INPP4B: variants seen among roughly 807,000 people sequenced by gnomAD.
INPP4B encodes inositol polyphosphate 4-phosphatase type II.
A neutral mutation model predicts 122.5 loss-of-function variants in INPP4B; 55 were observed. That is an observed-to-expected ratio of 0.45 (90% CI 0.36 to 0.56). INPP4B has a LOEUF of 0.56. Ranked by LOEUF, INPP4B falls within the 20% of genes least tolerant of loss-of-function variation. The pLI, the probability that INPP4B is intolerant of heterozygous loss-of-function variation, is 0.00. For synonymous variants in INPP4B, 403 were observed against 388.7 expected, an observed-to-expected ratio of 1.04 and a Z score of -0.43; for missense variants, 1,000 against 1,097.7, an observed-to-expected ratio of 0.91 and a Z score of 1.26.
At chr4:142,792,123 T>G (rs1273310321) in intron 1 of INPP4B, among the ~76,000 whole-genome samples, 2 of 152,052 alleles carry the variant, frequency 1.3e-5, no homozygotes, top group African/African-American at 4.8e-5. Flanking sequence ...GGTGGTCCTG[T>G]GCCTGTAGTC....
intron 25 of INPP4B, among the ~76,000 whole-genome samples, chr4:142,031,385 T>A (rs767246729): frequency 5.9e-5 from 9 of 152,154 alleles, no homozygotes; most frequent in Non-Finnish European, 1.2e-4. Context: ...ACAAGTCCTA[T>A]ACAGAAATTT....
chr4:142,091,318 C>T lies in INPP4B; in HGVS notation c.2375-5062G>A, dbSNP rs558615656. ...TTCTACTGCTGCTTTGACGTGTAGT[C>T]TTAGGCAAATTGCTTAACCCTCTGT... is the stretch of plus-strand genomic sequence containing the variant. On this transcript the variant is annotated intron_variant, in intron 23 of 25. Transcript: ENST00000262992. Among the ~76,000 whole-genome samples the T allele has an allele frequency of 1.2e-4, 19 of 152,240 alleles. No individual in the cohort carries two copies. In the East Asian group the frequency reaches 3.7e-3, roughly 29 times the overall value.
intron 7 of INPP4B, among the ~76,000 whole-genome samples, chr4:142,334,629 T>C (rs1466426447): frequency 6.6e-6 from 1 of 152,226 alleles, no homozygotes; most frequent in Admixed American, 6.5e-5. Flanking sequence ...CTCATGTCTT[T>C]TTGATAATAG....
intron 2 of INPP4B, among the ~76,000 whole-genome samples, chr4:142,572,133 T>C (rs1257367023): frequency 1.3e-5 from 2 of 152,138 alleles, no homozygotes; most frequent in Non-Finnish European, 2.9e-5. Context: ...TCTTTGAAGA[T>C]TGCTTGTCAC....
intron 7 of INPP4B, among the ~76,000 whole-genome samples, chr4:142,347,800 A>G (rs1381800274): frequency 6.6e-6 from 1 of 152,006 alleles, no homozygotes; most frequent in African/African-American, 2.4e-5. Context: ...CATCTATAGC[A>G]GCAGAGGTGG....
intron 5 of INPP4B, among the ~76,000 whole-genome samples, chr4:142,411,845 T>C (rs1292451958): frequency 6.6e-6 from 1 of 152,142 alleles, no homozygotes; most frequent in Non-Finnish European, 1.5e-5. Context: ...TGAGCTGAGA[T>C]TGCACCACTG....
Position 142,208,463 on chromosome 4 carries a change from T to A in INPP4B, c.1034A>T (p.His345Leu). 6.2e-7 allele frequency: 1 copy of A among 1,601,322 alleles called. No individual in the cohort carries two copies. Among genetic ancestry groups the A allele is most frequent in the Non-Finnish European group, 8.5e-7 (1 of 1,173,152 alleles). ...GCTGTGTACCTGCATTCTTTGCAGA[T>A]GTAGATTTATTGGAACAAATTCTAA... ...KTLEFVPINLHLQRMQVHSPH... is the reference protein window; with the variant it reads ...KTLEFVPINLLLQRMQVHSPH... The change falls in exon 14 of 26, where the codon CAT becomes CTT. Residue 345 changes from histidine (H) to leucine (L), a missense_variant. By Grantham distance (99) the His-to-Leu change is moderately conservative (BLOSUM62 -3). Coordinates refer to ENST00000262992, the MANE Select transcript of INPP4B (RefSeq NM_001101669.3).
rs1443404213 is a variant in INPP4B, at chr4:142,474,824, C to T, written c.-190-12098G>A. 2.6e-5 allele frequency among the ~76,000 whole-genome samples: 4 copies of T among 151,266 alleles called. No homozygotes were observed. In the East Asian group the frequency reaches 7.9e-4, roughly 30 times the overall value. On this transcript the variant is annotated intron_variant, in intron 2 of 25. Coordinates refer to ENST00000262992, the MANE Select transcript of INPP4B (RefSeq NM_001101669.3). Reference sequence around the variant, plus strand: ...CTACCTCTCTTAGCTAGGCAAGCCACACCTGCTAGAGCTTCCAGCCCAGTG... The same window carrying T: ...CTACCTCTCTTAGCTAGGCAAGCCATACCTGCTAGAGCTTCCAGCCCAGTG...
At chr4:142,666,652 T>A (rs1560940120) in intron 2 of INPP4B, among the ~76,000 whole-genome samples, 1 of 152,120 alleles carries the variant, frequency 6.6e-6, no homozygotes, top group East Asian at 1.9e-4. Flanking sequence ...TGTGTGTGTG[T>A]GCACATGTGT....
chr4:142,111,046 T>C (rs984385324), intron 22 of INPP4B, among the ~76,000 whole-genome samples: 4 of 152,078 alleles, frequency 2.6e-5, no homozygotes, highest in African/African-American at 9.7e-5. Flanking sequence ...ATCTCAAACA[T>C]TGAATTTGCT....
intron 2 of INPP4B, among the ~76,000 whole-genome samples, chr4:142,569,544 T>C (rs1732368460): frequency 6.6e-6 from 1 of 152,140 alleles, no homozygotes; most frequent in Non-Finnish European, 1.5e-5. Context: ...GAGATAGGAC[T>C]GAAACTCAGG....
At chr4:142,288,202 A>T (rs188430196) in intron 9 of INPP4B, among the ~76,000 whole-genome samples, 1 of 152,352 alleles carries the variant, frequency 6.6e-6, no homozygotes, top group East Asian at 1.9e-4. Flanking sequence ...CCAGAATATG[A>T]TTTAATATTG....
At chr4:142,706,839 C>T (rs1383493703) in intron 2 of INPP4B, among the ~76,000 whole-genome samples, 1 of 152,214 alleles carries the variant, frequency 6.6e-6, no homozygotes, top group African/African-American at 2.4e-5. Flanking sequence ...TTGCTCAACT[C>T]CAGTGAATTA....
chr4:142,479,948 A>T (rs1820306617), intron 2 of INPP4B, among the ~76,000 whole-genome samples: 1 of 152,142 alleles, frequency 6.6e-6, no homozygotes. Context: ...GTACCCCTGA[A>T]CCTAAAATAA....
At chr4:142,610,280 A>G (rs1580494853) in intron 2 of INPP4B, among the ~76,000 whole-genome samples, 1 of 152,094 alleles carries the variant, frequency 6.6e-6, no homozygotes, top group African/African-American at 2.4e-5. Context: ...TGCCTTCCAC[A>G]ATGATTGTGA....
chr4:142,442,032 T>A (rs1220950792), intron 3 of INPP4B, among the ~76,000 whole-genome samples: 1 of 151,902 alleles, frequency 6.6e-6, no homozygotes, highest in Non-Finnish European at 1.5e-5. Flanking sequence ...AATGGCTTTA[T>A]TTTTTTTCTT....
chr4:142,752,406 C>G (rs754861468), intron 1 of INPP4B, among the ~76,000 whole-genome samples: 1 of 152,044 alleles, frequency 6.6e-6, no homozygotes, highest in Non-Finnish European at 1.5e-5. Context: ...TTTTCCAGAT[C>G]TAACTTCTCT....
At chr4:142,552,784 T>C (rs1451575186) in intron 2 of INPP4B, among the ~76,000 whole-genome samples, 1 of 152,162 alleles carries the variant, frequency 6.6e-6, no homozygotes, top group Non-Finnish European at 1.5e-5. Context: ...GTCATCCCAA[T>C]TTTAGAGATG....
rs1052668066 is a variant in INPP4B, at chr4:142,832,767, G to GC, written c.-254+13441dup. ...ATATCACAGTCTCTACTCCCCCCCCGCATTGTCTTATACCTAATCCATTTC... is the reference window on the plus strand; with the variant it reads ...ATATCACAGTCTCTACTCCCCCCCCGCCATTGTCTTATACCTAATCCATTTC... On this transcript the variant is annotated intron_variant, in intron 1 of 25. Transcript: ENST00000262992. 5.7e-4 allele frequency among the ~76,000 whole-genome samples: 86 copies of GC among 149,902 alleles called. 1 individual carries two copies. The highest frequency in any genetic ancestry group is 2.1e-3 in the African/African-American group (82 of 39,700).
Sources: allele counts gnomAD v4.1 joint callset (sites outside exome capture counted in the v4.1 genomes callset), GRCh38; gene constraint gnomAD v4.1.1; transcripts MANE v1.5; gene names NCBI Gene and HGNC (gene_info 2026-07-23, HGNC 2026-07-21).